Variants in DEPDC4 observed in about 807,000 individuals in gnomAD.
The protein encoded by DEPDC4 is DEP domain-containing protein 4.
Under a neutral mutation model 52.0 loss-of-function variants are expected in DEPDC4, and 52 were observed. The ratio of observed to expected loss-of-function variants is 1.00; its 90% CI spans 0.80 to 1.26. The LOEUF is 1.26. Ranked by LOEUF, DEPDC4 falls within the 50% of genes most tolerant of loss-of-function variation. The pLI is 0.00. For missense variants in DEPDC4, 530 were observed against 546.9 expected (o/e 0.97, Z 0.31); for synonymous variants, 201 against 196.8 (o/e 1.02, Z -0.18).
At chr12:100,273,712 T>C in the DEPDC4 span, among the ~76,000 whole-genome samples, 6 of 152,212 alleles carry the variant, frequency 3.9e-5, no homozygotes, top group Non-Finnish European at 7.4e-5. Context: ...CGTGGTATTA[T>C]AATCCCTTCT....
chr12:100,261,113 A>C (rs1250453459), intron 3 of DEPDC4, among the ~76,000 whole-genome samples: 2 of 151,218 alleles, frequency 1.3e-5, no homozygotes, highest in Non-Finnish European at 2.9e-5. Flanking sequence ...CCTGGGAGGC[A>C]GAGGTTGGAG....
the DEPDC4 span, among the ~76,000 whole-genome samples, chr12:100,272,834 T>C: frequency 1.1e-4 from 16 of 152,346 alleles, no homozygotes; most frequent in Non-Finnish European, 2.2e-4. Flanking sequence ...TTTAAAAATT[T>C]GTTTAAAATG....
the DEPDC4 span, among the ~76,000 whole-genome samples, chr12:100,281,766 G>A: frequency 1.3e-5 from 2 of 151,496 alleles, no homozygotes; most frequent in Admixed American, 6.6e-5. Flanking sequence ...CCCGGGAGGC[G>A]GAGCTTGCAG....
chr12:100,264,165 A>G (rs2096263867), intron 1 of DEPDC4, among the ~76,000 whole-genome samples: 1 of 152,350 alleles, frequency 6.6e-6, no homozygotes, highest in African/African-American at 2.4e-5. Flanking sequence ...ATGGTTAACT[A>G]CTAGTTATAC....
upstream of DEPDC4, chr12:100,267,371 A>C (rs1330262814): frequency 3.4e-6 from 1 of 295,758 alleles, no homozygotes; most frequent in Non-Finnish European, 6.3e-6. Flanking sequence ...GAGCCCCAGC[A>C]CCGCCCCTCC....
the DEPDC4 span, among the ~76,000 whole-genome samples, chr12:100,275,366 T>A: frequency 1.3e-5 from 2 of 152,294 alleles, no homozygotes; most frequent in Admixed American, 1.3e-4. Flanking sequence ...TGCTCCTGGC[T>A]AATTTTTAAA....
the DEPDC4 span, among the ~76,000 whole-genome samples, chr12:100,275,902 GTCAGTTTTTTT>G: frequency 0.12 from 18,568 of 152,020 alleles, 1,504 homozygotes; most frequent in Non-Finnish European, 0.18. Flanking sequence ...ATTGAATTTT[GTCAGTTTTTTT>G]TCTGCCTCTA....
intron 1 of DEPDC4, among the ~76,000 whole-genome samples, chr12:100,264,728 T>G (rs529137324): frequency 6.6e-6 from 1 of 152,144 alleles, no homozygotes; most frequent in South Asian, 2.1e-4. Context: ...CATACCCACT[T>G]GAGCTGAATA....
Position 100,267,029 on chromosome 12 carries a change from C to T in DEPDC4, c.48G>A (p.Leu16=). The change falls in exon 1 of 10, where the codon TTG becomes TTA. Residue 16 remains leucine (L), a synonymous_variant. Transcript: ENST00000550587. ...EPARELMAVL[L]TPRFRRLVSQ... ...TGACAAGTCTACGGAACCTCGGAGT[C>T]AAAAGAACCGCCATAAGCTCGCGCG... The T allele has an allele frequency of 6.2e-7, 1 of 1,610,882 alleles. No individual in the cohort carries two copies. Among genetic ancestry groups the T allele is most frequent in the Non-Finnish European group, 8.5e-7 (1 of 1,177,492 alleles).
intron 8 of DEPDC4, among the ~76,000 whole-genome samples, chr12:100,247,049 T>G (rs2096188422): frequency 6.6e-6 from 1 of 152,160 alleles, no homozygotes; most frequent in Non-Finnish European, 1.5e-5. Flanking sequence ...TGATATACTC[T>G]GACAGTTTTA....
chr12:100,269,302 C>T (rs1158519912), upstream of DEPDC4, among the ~76,000 whole-genome samples: 2 of 151,852 alleles, frequency 1.3e-5, no homozygotes, highest in Non-Finnish European at 2.9e-5. Flanking sequence ...ATGCTACTTC[C>T]TCTGCTTGGA....
At chr12:100,258,317 A>G (rs972427813) in intron 3 of DEPDC4, among the ~76,000 whole-genome samples, 7 of 152,172 alleles carry the variant, frequency 4.6e-5, no homozygotes, top group South Asian at 2.1e-4. Flanking sequence ...AACATGAACA[A>G]TAAGAGAGAA....
At chr12:100,258,369 T>A (rs2096242202) in intron 3 of DEPDC4, among the ~76,000 whole-genome samples, 1 of 151,890 alleles carries the variant, frequency 6.6e-6, no homozygotes. Context: ...AGGTCCAATA[T>A]CTGAATAAGA....
At chr12:100,237,676 G>A (rs574279017), downstream of DEPDC4, 1 of 152,004 alleles carries the variant, frequency 6.6e-6, no homozygotes, top group East Asian at 1.9e-4. Context: ...TCGAAGAGTT[G>A]GAAGGTACCT....
Position 100,256,153 on chromosome 12 carries a change from C to T in DEPDC4, c.774G>A (p.Glu258=), listed in dbSNP as rs2096231593. Residue 258 remains glutamate (E), a synonymous_variant, in exon 4 of 10, where the codon GAG becomes GAA. Coordinates refer to ENST00000550587, the MANE Select transcript of DEPDC4 (RefSeq NM_001364818.2). ...IHLPFLDNIL[E]PPVKTQNLQL... ...GAAGATTTTGTGTTTTAACTGGAGG[C>T]TCCAAAATATTGTCCAAGAATGGAA... 2 of 1,612,800 alleles carry T rather than the reference C, an allele frequency of 1.2e-6. No individual in the cohort carries two copies. Among genetic ancestry groups the T allele is most frequent in the Non-Finnish European group, 1.7e-6 (2 of 1,179,092 alleles).
chr12:100,275,951 T>G, the DEPDC4 span, among the ~76,000 whole-genome samples: 1 of 152,240 alleles, frequency 6.6e-6, no homozygotes, highest in Non-Finnish European at 1.5e-5. Context: ...TTTTTCATTA[T>G]TCAGTTAATG....
In DEPDC4 at chr12:100,244,552, T is replaced by G. The variant is rs143936630; in HGVS notation, c.1454-1983A>C. Among the ~76,000 whole-genome samples, 25 of 151,944 alleles carry G rather than the reference T, an allele frequency of 1.6e-4. No homozygotes were observed. In the East Asian group the frequency reaches 3.5e-3, roughly 21 times the overall value. On this transcript the variant is annotated intron_variant, in intron 8 of 9. Transcript: ENST00000550587. Reference sequence around the variant, plus strand: ...TGCAGTGGCGTTGATCATGGCTCATTGCAGCCTGGACCTCCTGCAGCGATC... The same window carrying G: ...TGCAGTGGCGTTGATCATGGCTCATGGCAGCCTGGACCTCCTGCAGCGATC...
intron 8 of DEPDC4, 105 bp downstream of exon 8, chr12:100,248,795 A>T (rs923700985): frequency 5.0e-6 from 2 of 399,886 alleles, no homozygotes; most frequent in Non-Finnish European, 3.4e-6. Flanking sequence ...CACTTTTTAC[A>T]ACATTTTACA....
At chr12:100,254,973 A>G (rs970086640) in intron 4 of DEPDC4, among the ~76,000 whole-genome samples, 6 of 152,120 alleles carry the variant, frequency 3.9e-5, no homozygotes, top group Non-Finnish European at 7.4e-5. Context: ...CAATCTTCTC[A>G]GCTTAGCCTC....
Sources: gnomAD v4.1 joint callset for allele counts (sites outside exome capture counted in the v4.1 genomes callset) on GRCh38, gnomAD v4.1.1 for gene constraint, MANE v1.5 for transcripts, NCBI Gene and HGNC (gene_info 2026-07-23, HGNC 2026-07-21) for gene names.